Variants in KCNS3 observed in about 807,000 individuals in gnomAD.
The protein encoded by KCNS3 is delayed-rectifier potassium channel regulatory subunit KCNS3.
KCNS3 carries 13 observed loss-of-function variants against 31.0 expected under a neutral mutation model. The observed-to-expected ratio is 0.42, with a 90% CI of 0.27 to 0.67. KCNS3 has a LOEUF of 0.67. Ranked by LOEUF, KCNS3 falls within the 30% of genes least tolerant of loss-of-function variation. KCNS3 has a pLI of 0.25. For synonymous variants in KCNS3, 238 were observed against 241.5 expected (o/e 0.99, Z 0.13); for missense variants, 545 against 622.4 (o/e 0.88, Z 1.32).
At chr2:17,897,402 A>G (rs1298409885) in intron 1 of KCNS3, among the ~76,000 whole-genome samples, 2 of 152,196 alleles carry the variant, frequency 1.3e-5, no homozygotes, top group Non-Finnish European at 2.9e-5. Flanking sequence ...CTTTGGATAT[A>G]CCGGTAATGA....
chr2:17,919,405 A>C (rs1306902688), intron 2 of KCNS3: 1 of 152,150 alleles, frequency 6.6e-6, no homozygotes, highest in Non-Finnish European at 1.5e-5. Context: ...TTTTATCCTC[A>C]AGGTGGGTTT....
chr2:17,882,772 A>G (rs1674670687), intron 1 of KCNS3, among the ~76,000 whole-genome samples: 1 of 152,260 alleles, frequency 6.6e-6, no homozygotes, highest in Admixed American at 6.5e-5. Flanking sequence ...GTACAACAAA[A>G]TGTAGAAACT....
At chr2:17,881,033 T>A (rs1444476283) in intron 1 of KCNS3, among the ~76,000 whole-genome samples, 1 of 152,238 alleles carries the variant, frequency 6.6e-6, no homozygotes, top group Non-Finnish European at 1.5e-5. Flanking sequence ...ATACTATATA[T>A]CAGATACTCT....
chr2:17,922,225 G>A (rs1165408988), intron 2 of KCNS3, among the ~76,000 whole-genome samples: 2 of 151,574 alleles, frequency 1.3e-5, no homozygotes, highest in African/African-American at 4.8e-5. Flanking sequence ...TCTCTGTTAT[G>A]AAATTCCCCA....
chr2:17,930,879 G>A (rs1662943620), intron 2 of KCNS3, 71 bp from the exon 3 acceptor site: 1 of 981,892 alleles, frequency 1.0e-6, no homozygotes, highest in Admixed American at 2.7e-5. Flanking sequence ...CTCCTGGAAA[G>A]GGCAGATTAA....
At chr2:17,883,908 G>A (rs1008771444) in intron 1 of KCNS3, among the ~76,000 whole-genome samples, 9 of 151,990 alleles carry the variant, frequency 5.9e-5, no homozygotes, top group South Asian at 2.1e-4. Context: ...CGTATACACC[G>A]TGGAATACTA....
At chr2:17,888,665 A>G (rs559327765) in intron 1 of KCNS3, among the ~76,000 whole-genome samples, 2 of 137,164 alleles carry the variant, frequency 1.5e-5, no homozygotes, top group African/African-American at 5.4e-5. Context: ...ATATATATAT[A>G]TATATATAAA....
intron 1 of KCNS3, among the ~76,000 whole-genome samples, chr2:17,883,645 C>T (rs950635448): frequency 1.7e-4 from 26 of 152,058 alleles, no homozygotes; most frequent in African/African-American, 6.3e-4. Context: ...GATTCTAAGG[C>T]AGGAATGAGC....
chr2:17,896,337 G>T (rs995958858), intron 1 of KCNS3, among the ~76,000 whole-genome samples: 2 of 152,108 alleles, frequency 1.3e-5, no homozygotes, highest in African/African-American at 4.8e-5. Flanking sequence ...ACAGTTGTGA[G>T]CCACTGTGCC....
At chr2:17,928,024 A>G (rs1450462013) in intron 2 of KCNS3, among the ~76,000 whole-genome samples, 3 of 152,188 alleles carry the variant, frequency 2.0e-5, no homozygotes, top group Non-Finnish European at 4.4e-5. Context: ...GCTGAGGGCT[A>G]TGTCACAGGC....
At chr2:17,903,226 T>C (rs1019732846) in intron 1 of KCNS3, among the ~76,000 whole-genome samples, 2 of 152,152 alleles carry the variant, frequency 1.3e-5, no homozygotes, top group African/African-American at 2.4e-5. Flanking sequence ...TTGTTAAGAA[T>C]TTACCATGTG....
intron 1 of KCNS3, among the ~76,000 whole-genome samples, chr2:17,883,521 A>G (rs1213637261): frequency 6.6e-6 from 1 of 152,146 alleles, no homozygotes; most frequent in Non-Finnish European, 1.5e-5. Context: ...GTAGGGAGGC[A>G]CTAGTTTAGA....
chr2:17,912,222 A>G (rs528684370), intron 1 of KCNS3, among the ~76,000 whole-genome samples: 5 of 152,342 alleles, frequency 3.3e-5, no homozygotes, highest in East Asian at 3.9e-4. Flanking sequence ...TGTGATACAC[A>G]TTGCTATGAT....
intron 1 of KCNS3, among the ~76,000 whole-genome samples, chr2:17,892,003 T>C (rs547713100): frequency 4.3e-4 from 66 of 152,298 alleles, no homozygotes; most frequent in Non-Finnish European, 7.9e-4. Context: ...TTTCCTTTAT[T>C]GTTCCCCCAA....
At chr2:17,909,249 C>T (rs1056260991) in intron 1 of KCNS3, among the ~76,000 whole-genome samples, 1 of 152,238 alleles carries the variant, frequency 6.6e-6, no homozygotes, top group African/African-American at 2.4e-5. Context: ...GCGTGGGACC[C>T]TCCAAGCCAT....
Position 17,931,612 on chromosome 2 carries a change from A to T in KCNS3, c.604A>T (p.Met202Leu). The change falls in exon 3 of 3, where the codon ATG (methionine) becomes TTG (leucine). Residue 202 changes from methionine (M) to leucine (L), a missense_variant. Transcript: ENST00000304101. The surrounding 1 kb of genome is among the most constrained non-coding windows in gnomAD (Gnocchi z 5.4). The stretch of plus-strand genomic sequence containing the variant: ...CGTGGTGCTGGCCTCCATCGTGGCC[A>T]TGTGCGTTCACAGCATGTCGGAGTT... ...LSVVLASIVAMCVHSMSEFQN... is the reference protein window; with the variant it reads ...LSVVLASIVALCVHSMSEFQN... 6.2e-7 allele frequency: 1 copy of T among 1,614,204 alleles called. No homozygotes were observed. Among genetic ancestry groups the T allele is most frequent in the Non-Finnish European group, 8.5e-7 (1 of 1,180,038 alleles).
chr2:17,911,274 A>G (rs1662465576), intron 1 of KCNS3, among the ~76,000 whole-genome samples: 1 of 152,112 alleles, frequency 6.6e-6, no homozygotes, highest in African/African-American at 2.4e-5. Flanking sequence ...GGCAAGATCC[A>G]TGTTATCTTT....
At chr2:17,904,525 G>A (rs968654419) in intron 1 of KCNS3, among the ~76,000 whole-genome samples, 1 of 152,046 alleles carries the variant, frequency 6.6e-6, no homozygotes, top group African/African-American at 2.4e-5. Flanking sequence ...TAGACATGAA[G>A]TCCTTGCCCA....
chr2:17,930,456 G>A (rs1345702672), intron 2 of KCNS3, among the ~76,000 whole-genome samples: 1 of 152,152 alleles, frequency 6.6e-6, no homozygotes, highest in Admixed American at 6.5e-5. Flanking sequence ...GCTGAGCTGA[G>A]CCCCCTGTGA....
Sources: allele counts gnomAD v4.1 joint callset (sites outside exome capture counted in the v4.1 genomes callset), GRCh38; gene constraint gnomAD v4.1.1; non-coding constraint Gnocchi (gnomAD v3.1); transcripts MANE v1.5; gene names NCBI Gene and HGNC (gene_info 2026-07-23, HGNC 2026-07-21).